Variants in PIK3CB observed in about 807,000 individuals in gnomAD.
PIK3CB encodes phosphatidylinositol-4,5-bisphosphate 3-kinase catalytic subunit beta, also known as phosphatidylinositol 4,5-bisphosphate 3-kinase catalytic subunit beta isoform.
In PIK3CB, 39 loss-of-function variants were observed where a neutral mutation model predicts 136.8. The ratio of observed to expected loss-of-function variants is 0.29; its 90% CI spans 0.22 to 0.37. The LOEUF (loss-of-function observed/expected upper bound fraction) is 0.37, where lower values mean the gene tolerates loss of function less well. Among genes scored for constraint, PIK3CB ranks in the 10% least tolerant of loss-of-function variants. PIK3CB has a pLI of 1.00. For missense variants in PIK3CB, 868 were observed against 1,275.4 expected (o/e 0.68, Z 4.87); for synonymous variants, 428 against 436.6 (o/e 0.98, Z 0.25).
intron 1 of PIK3CB, among the ~76,000 whole-genome samples, chr3:138,826,508 T>G (rs1933789188): frequency 6.6e-6 from 1 of 150,768 alleles, no homozygotes; most frequent in Non-Finnish European, 1.5e-5. Context: ...GGTTTTTTTT[T>G]TTTTTTTTTT....
chr3:138,702,942 G>C (rs2044285532), intron 12 of PIK3CB, among the ~76,000 whole-genome samples: 1 of 151,960 alleles, frequency 6.6e-6, no homozygotes, highest in African/African-American at 2.4e-5. Context: ...CTCATCAATT[G>C]ATCATGCAAA....
At chr3:138,712,777 G>A (rs1334907489) in intron 9 of PIK3CB, among the ~76,000 whole-genome samples, 1 of 152,038 alleles carries the variant, frequency 6.6e-6, no homozygotes, top group Non-Finnish European at 1.5e-5. Context: ...GTGTAGGACA[G>A]GCTGGTCTCA....
intron 13 of PIK3CB, among the ~76,000 whole-genome samples, chr3:138,696,474 C>A (rs138381229): frequency 1.3e-3 from 192 of 152,274 alleles, no homozygotes; most frequent in African/African-American, 4.2e-3. Flanking sequence ...GCTTGAGCCA[C>A]CATACCCAGC....
chr3:138,695,648 T>G (rs990527660), intron 13 of PIK3CB, among the ~76,000 whole-genome samples: 9 of 152,156 alleles, frequency 5.9e-5, no homozygotes, highest in African/African-American at 2.2e-4. Context: ...TAGCTTAATT[T>G]TTTCAGTTGT....
intron 12 of PIK3CB, among the ~76,000 whole-genome samples, chr3:138,701,175 T>C (rs76187185): frequency 0.031 from 4,718 of 151,138 alleles, 251 homozygotes; most frequent in African/African-American, 0.11. Context: ...TATAAAATAA[T>C]TGGCCTATAG....
chr3:138,801,417 A>G (rs908386089), intron 1 of PIK3CB, among the ~76,000 whole-genome samples: 3 of 152,120 alleles, frequency 2.0e-5, no homozygotes, highest in African/African-American at 7.2e-5. Context: ...AGAATGACAG[A>G]ATAGGTATGT....
chr3:138,710,780 C>T (rs947844028), intron 10 of PIK3CB, among the ~76,000 whole-genome samples: 2 of 152,120 alleles, frequency 1.3e-5, no homozygotes, highest in African/African-American at 4.8e-5. Flanking sequence ...CAGGCTAAAG[C>T]CAACTAAAGA....
intron 2 of PIK3CB, among the ~76,000 whole-genome samples, chr3:138,786,157 TCA>T (rs2045980068): frequency 6.6e-6 from 1 of 152,130 alleles, no homozygotes; most frequent in African/African-American, 2.4e-5. Flanking sequence ...CCAGTTCTCT[TCA>T]CAGTGTTAAA....
At chr3:138,744,694 A>G (rs2045318139) in intron 4 of PIK3CB, among the ~76,000 whole-genome samples, 2 of 152,202 alleles carry the variant, frequency 1.3e-5, no homozygotes, top group Non-Finnish European at 2.9e-5. Context: ...CAGTGCTGGT[A>G]TCATAGAAGG....
At chr3:138,824,512 T>C (rs771410534) in intron 1 of PIK3CB, among the ~76,000 whole-genome samples, 3 of 151,974 alleles carry the variant, frequency 2.0e-5, no homozygotes, top group Non-Finnish European at 2.9e-5. Context: ...TAAGGAGATA[T>C]GGCCGGGCGC....
At chr3:138,774,528 A>C (rs114994172) in intron 2 of PIK3CB, among the ~76,000 whole-genome samples, 1 of 152,210 alleles carries the variant, frequency 6.6e-6, no homozygotes, top group African/African-American at 2.4e-5. Context: ...TTGAATGTCA[A>C]CAAATCTTCC....
At chr3:138,805,024 C>CA (rs1308382880) in intron 1 of PIK3CB, among the ~76,000 whole-genome samples, 2 of 148,440 alleles carry the variant, frequency 1.3e-5, no homozygotes, top group East Asian at 2.0e-4. Flanking sequence ...GACTCCATCT[C>CA]AAAAAAAGAA....
In PIK3CB at chr3:138,657,692, G is replaced by C; in HGVS notation, c.2940C>G (p.Gly980=). 3.7e-6 allele frequency: 6 copies of C among 1,613,576 alleles called. No homozygotes were observed. Among genetic ancestry groups the C allele is most frequent in the Non-Finnish European group, 5.1e-6 (6 of 1,179,648 alleles). ...CTTGGCACAAGGGCAGTACTCACCG[G>C]CCAAACTTTTCTGTATTTCCTGTTT... ...QGKTGNTEKF[G]RFRQCCEDAY... is the part of the protein sequence containing the mutation. Residue 980 remains glycine (G), a splice_region_variant and synonymous_variant, in exon 22 of 24, where the codon GGC becomes GGG. Coordinates refer to ENST00000674063, the MANE Select transcript of PIK3CB (RefSeq NM_006219.3).
chr3:138,817,582 G>T (rs984946793), intron 1 of PIK3CB, among the ~76,000 whole-genome samples: 1 of 152,102 alleles, frequency 6.6e-6, no homozygotes, highest in Non-Finnish European at 1.5e-5. Flanking sequence ...ATCCTTGCAG[G>T]CACCCCTAAA....
At chr3:138,808,929 T>C (rs2046263443) in intron 1 of PIK3CB, among the ~76,000 whole-genome samples, 1 of 152,072 alleles carries the variant, frequency 6.6e-6, no homozygotes, top group Non-Finnish European at 1.5e-5. Context: ...CTATGAGTTT[T>C]TATACAACAC....
intron 21 of PIK3CB, among the ~76,000 whole-genome samples, chr3:138,661,377 C>T (rs1400733632): frequency 6.6e-6 from 1 of 152,158 alleles, no homozygotes; most frequent in African/African-American, 2.4e-5. Context: ...GACTTGCGTA[C>T]CCCTTTACAA....
chr3:138,746,373 C>A (rs116251309), intron 4 of PIK3CB, among the ~76,000 whole-genome samples: 133 of 152,030 alleles, frequency 8.7e-4, no homozygotes, highest in African/African-American at 3.1e-3. Flanking sequence ...CTAAAATTGT[C>A]AAATCGGCCG....
intron 14 of PIK3CB, among the ~76,000 whole-genome samples, chr3:138,693,396 AATT>A (rs1305998518): frequency 3.3e-5 from 5 of 150,116 alleles, no homozygotes; most frequent in South Asian, 2.1e-4. Flanking sequence ...CAGCTGGCTG[AATT>A]ATTATTATTT....
intron 19 of PIK3CB, among the ~76,000 whole-genome samples, chr3:138,671,885 A>G (rs944406866): frequency 3.3e-5 from 5 of 152,200 alleles, no homozygotes; most frequent in African/African-American, 1.2e-4. Context: ...TTGGCTAAAC[A>G]TCTGAATTTT....
Sources: gnomAD v4.1 joint callset for allele counts (sites outside exome capture counted in the v4.1 genomes callset) on GRCh38, gnomAD v4.1.1 for gene constraint, MANE v1.5 for transcripts, NCBI Gene and HGNC (gene_info 2026-07-23, HGNC 2026-07-21) for gene names.